SLC45A4: variants seen among roughly 807,000 people sequenced by gnomAD.
SLC45A4 encodes the protein polyamine-transporter SLC45A4.
A neutral mutation model predicts 63.7 loss-of-function variants in SLC45A4; 32 were observed. That is an observed-to-expected ratio of 0.50 (90% CI 0.38 to 0.67). The LOEUF is 0.67. SLC45A4 is among the 30% of genes least tolerant of loss of function. The pLI, the probability that SLC45A4 is intolerant of heterozygous loss-of-function variation, is 0.00. For synonymous variants in SLC45A4, 535 were observed against 510.0 expected, an observed-to-expected ratio of 1.05 and a Z score of -0.66; for missense variants, 1,027 against 1,157.7, an observed-to-expected ratio of 0.89 and a Z score of 1.64.
intron 2 of SLC45A4, among the ~76,000 whole-genome samples, chr8:141,244,792 G>A (rs1000107027): frequency 6.6e-6 from 1 of 152,096 alleles, no homozygotes; most frequent in East Asian, 1.9e-4. Context: ...TGACACCGAC[G>A]GGGCTCAGGA....
At chr8:141,212,077 C>G in intron 8 of SLC45A4, 120 bp downstream of exon 8, 4 of 1,410,338 alleles carry the variant, frequency 2.8e-6, no homozygotes, top group Non-Finnish European at 3.7e-6. Flanking sequence ...ACTGCCGGGT[C>G]GGCCACAGCA....
intron 1 of SLC45A4, among the ~76,000 whole-genome samples, chr8:141,302,725 T>C (rs1830786968): frequency 6.6e-6 from 1 of 152,208 alleles, no homozygotes; most frequent in African/African-American, 2.4e-5. Flanking sequence ...CATTCATCAC[T>C]GACAGTGAAA....
chr8:141,283,225 T>C (rs964457650), intron 1 of SLC45A4, among the ~76,000 whole-genome samples: 6 of 152,230 alleles, frequency 3.9e-5, no homozygotes, highest in African/African-American at 1.2e-4. Context: ...AGCATGACTC[T>C]GTGGGGAGCC....
At chr8:141,292,514 C>A (rs375430129) in intron 1 of SLC45A4, among the ~76,000 whole-genome samples, 1 of 152,238 alleles carries the variant, frequency 6.6e-6, no homozygotes, top group Non-Finnish European at 1.5e-5. Flanking sequence ...CGGAAGGCTG[C>A]GGCCCGCTCC....
chr8:141,215,687 G>C lies in SLC45A4; in HGVS notation c.1941+72C>G. 6.7e-7 allele frequency: 1 copy of C among 1,498,536 alleles called. No homozygotes were observed. The highest frequency in any genetic ancestry group is 9.2e-7 in the Non-Finnish European group (1 of 1,089,112). 92.8% of individuals were successfully genotyped at this position (1,498,536 alleles called of 1,614,324 possible). A position where few individuals can be genotyped will look rare whatever the true frequency, so the allele number is the denominator to read the frequency against. On this transcript the variant is annotated intron_variant, in intron 7 of 8. Transcript: ENST00000517878. This position sits in a 1 kb window ranked among gnomAD's most constrained non-coding sequence, Gnocchi z 4.3. ...GTGAACGTCCCCCCGGGGAAGCACA[G>C]GGCTCTGCTCTGTATGGAGGGAAGG...
intron 1 of SLC45A4, among the ~76,000 whole-genome samples, chr8:141,284,410 C>A (rs1830067490): frequency 6.6e-6 from 1 of 152,242 alleles, no homozygotes; most frequent in African/African-American, 2.4e-5. Context: ...GGGCCACCCC[C>A]AGCACTCCAC....
chr8:141,296,539 T>TA (rs34176241), intron 1 of SLC45A4, among the ~76,000 whole-genome samples: 107,502 of 128,694 alleles, frequency 0.84, 45,663 homozygotes, highest in East Asian at 0.93. Flanking sequence ...AAATTAAAAT[T>TA]AAAAAAAAAA....
intron 1 of SLC45A4, among the ~76,000 whole-genome samples, chr8:141,285,146 G>A (rs765671089): frequency 6.6e-6 from 1 of 152,210 alleles, no homozygotes; most frequent in Non-Finnish European, 1.5e-5. Context: ...AGCACGGACT[G>A]AGGGCGGGTG....
At chr8:141,250,770 G>T (rs1828427595) in intron 2 of SLC45A4, among the ~76,000 whole-genome samples, 1 of 152,128 alleles carries the variant, frequency 6.6e-6, no homozygotes, top group Non-Finnish European at 1.5e-5. Flanking sequence ...TTCGACTCAA[G>T]GTATTTTCAA....
Position 141,278,958 on chromosome 8 carries a change from G to A in SLC45A4, c.-400-24329C>T, listed in dbSNP as rs538083969. Among the ~76,000 whole-genome samples the A allele has an allele frequency of 9.2e-4, 140 of 152,310 alleles. 1 individual carries two copies. Among genetic ancestry groups the A allele is most frequent in the Non-Finnish European group, 1.4e-3 (96 of 68,024 alleles). ...CTCTGTCCCCTTCAAGGCCAGACAA[G>A]CAAAGCCCCAGCCCCCACCTTGGCC... On this transcript the variant is annotated intron_variant, in intron 1 of 8. Coordinates refer to ENST00000517878, the MANE Select transcript of SLC45A4 (RefSeq NM_001286646.2). This position sits in a 1 kb window ranked among gnomAD's most constrained non-coding sequence, Gnocchi z 4.1.
chr8:141,223,526 C>T lies in SLC45A4; in HGVS notation c.242-1761G>A, dbSNP rs932920872. On this transcript the variant is annotated intron_variant, in intron 2 of 8. Transcript: ENST00000517878. ...CTGTACCAATGTATGTCGGCAAACC[C>T]GTGCCAGGCAGCCCCTCGCAGAGCT... Among the ~76,000 whole-genome samples the T allele has an allele frequency of 5.3e-5, 8 of 152,328 alleles. No homozygotes were observed. In the South Asian group the frequency reaches 1.0e-3, roughly 20 times the overall value.
rs182836833 is a variant in SLC45A4 at position 141,233,762 on chromosome 8, C to T, written c.242-11997G>A. ...CCCTTTATGACACTTCTGCCCAAGA[C>T]GGCAGGCCCCTGGGAAACGGCTATG... On this transcript the variant is annotated intron_variant, in intron 2 of 8. Coordinates refer to ENST00000517878, the MANE Select transcript of SLC45A4 (RefSeq NM_001286646.2). 1.1e-4 allele frequency among the ~76,000 whole-genome samples: 17 copies of T among 152,322 alleles called. 2 individuals carry two copies. In the East Asian group the frequency reaches 2.1e-3, roughly 19 times the overall value.
At chr8:141,294,711 CAT>C (rs1294034870) in intron 1 of SLC45A4, among the ~76,000 whole-genome samples, 4 of 152,254 alleles carry the variant, frequency 2.6e-5, no homozygotes, top group Non-Finnish European at 4.4e-5. Context: ...GAGAAACACA[CAT>C]GTGAAGACAG....
chr8:141,245,431 CACTCAACGAACAATGGGCCTT>C (rs1174426926), intron 2 of SLC45A4, among the ~76,000 whole-genome samples: 1 of 152,160 alleles, frequency 6.6e-6, no homozygotes, highest in Non-Finnish European at 1.5e-5. Flanking sequence ...GTTAATTCAT[CACTCAACGAACAATGGGCCTT>C]CCGCTCCATC....
rs1826291022 is a variant in SLC45A4, at chr8:141,218,119, C to T, written c.1521G>A (p.Glu507=). 2 of 1,612,156 alleles carry T rather than the reference C, an allele frequency of 1.2e-6. No homozygotes were observed. Among genetic ancestry groups the T allele is most frequent in the South Asian group, 2.2e-5 (2 of 91,086 alleles). The change falls in exon 5 of 9, where the codon GAG becomes GAA. Residue 507 remains glutamate (E), a synonymous_variant. Transcript: ENST00000517878. ...LWLSMLKMPR[E]LMRLCLCHLL... The stretch of plus-strand genomic sequence containing the variant: ...GGTGGCAGAGGCACAGCCGCATCAG[C>T]TCCCTGGGCATCTTCAGCATGGAGA...
chr8:141,290,132 C>T (rs552860343), intron 1 of SLC45A4, among the ~76,000 whole-genome samples: 4 of 152,200 alleles, frequency 2.6e-5, no homozygotes, highest in East Asian at 1.9e-4. Context: ...AATATATACA[C>T]GTATGTATGT....
rs1825721095 is a variant in SLC45A4 at position 141,209,988 on chromosome 8, G to C, written c.*1584C>G. 1 of 152,378 alleles carries C rather than the reference G, an allele frequency of 6.6e-6. No individual in the cohort carries two copies. The highest frequency in any genetic ancestry group is 2.4e-5 in the African/African-American group (1 of 41,594). The allele number at this position is 152,378 out of a possible 1,614,324, so 9.4% of individuals were successfully genotyped here. A position where few individuals can be genotyped will look rare whatever the true frequency, so the allele number is the denominator to read the frequency against. On this transcript the variant is annotated 3_prime_UTR_variant, in exon 9 of 9. Coordinates refer to ENST00000517878, the MANE Select transcript of SLC45A4 (RefSeq NM_001286646.2). Reference sequence around the variant, plus strand: ...AGCCTCAGGCAAGGGGTGGCCCCCAGATGAACCCACATTTGGTGTGGTTTG... The same window carrying C: ...AGCCTCAGGCAAGGGGTGGCCCCCACATGAACCCACATTTGGTGTGGTTTG...
At chr8:141,287,764 A>T (rs377402806) in intron 1 of SLC45A4, among the ~76,000 whole-genome samples, 146 of 152,328 alleles carry the variant, frequency 9.6e-4, no homozygotes, top group Middle Eastern at 6.8e-3. Flanking sequence ...CGGGTGGAAC[A>T]GCTAGAATCT....
At chr8:141,220,998 C>T (rs1453182950) in intron 3 of SLC45A4, among the ~76,000 whole-genome samples, 1 of 152,282 alleles carries the variant, frequency 6.6e-6, no homozygotes, top group Non-Finnish European at 1.5e-5. Context: ...CGTCCCGGGG[C>T]CTCTCCTCCT....
Sources: allele counts gnomAD v4.1 joint callset (sites outside exome capture counted in the v4.1 genomes callset), GRCh38; gene constraint gnomAD v4.1.1; non-coding constraint Gnocchi (gnomAD v3.1); transcripts MANE v1.5; gene names NCBI Gene and HGNC (gene_info 2026-07-23, HGNC 2026-07-21).